CTNNA2: variants seen among roughly 807,000 people sequenced by gnomAD.
CTNNA2 encodes catenin alpha-2.
In CTNNA2, 42 loss-of-function variants were observed where a neutral mutation model predicts 101.0. The ratio of observed to expected loss-of-function variants is 0.42; its 90% CI spans 0.32 to 0.54. CTNNA2 has a LOEUF of 0.54. Among genes scored for constraint, CTNNA2 ranks in the 20% least tolerant of loss-of-function variants. CTNNA2 has a pLI of 0.14. For missense variants in CTNNA2, 871 were observed against 1,223.1 expected, an observed-to-expected ratio of 0.71 and a Z score of 4.29; for synonymous variants, 450 against 456.4, an observed-to-expected ratio of 0.99 and a Z score of 0.18.
intron 1 of CTNNA2, among the ~76,000 whole-genome samples, chr2:79,596,249 T>G (rs1677180827): frequency 6.6e-6 from 1 of 152,044 alleles, no homozygotes; most frequent in African/African-American, 2.4e-5. Context: ...AATGTTTGAA[T>G]GAAATTTGAA....
At chr2:79,484,717 C>T (rs566274176) in intron 4 of CTNNA2, among the ~76,000 whole-genome samples, 1 of 152,274 alleles carries the variant, frequency 6.6e-6, no homozygotes, top group South Asian at 2.1e-4. Flanking sequence ...GTAGGCTCTC[C>T]TAAGCATAGT....
intron 7 of CTNNA2, among the ~76,000 whole-genome samples, chr2:80,036,722 G>A (rs1474389802): frequency 2.0e-5 from 3 of 152,242 alleles, no homozygotes; most frequent in Non-Finnish European, 2.9e-5. Context: ...ATCCTGGTGG[G>A]TGGGGAAGCC....
chr2:79,365,539 T>C (rs1469311697), intron 3 of CTNNA2, among the ~76,000 whole-genome samples: 1 of 148,448 alleles, frequency 6.7e-6, no homozygotes, highest in East Asian at 2.0e-4. Flanking sequence ...GGCAGGAGGA[T>C]GGCCCAAGCC....
intron 2 of CTNNA2, among the ~76,000 whole-genome samples, chr2:79,296,189 T>A (rs974129911): frequency 6.6e-6 from 1 of 152,090 alleles, no homozygotes; most frequent in African/African-American, 2.4e-5. Context: ...ATACAAACAT[T>A]ACAATGTTAA....
At chr2:80,376,191 A>ACTG (rs1282127855) in intron 7 of CTNNA2, among the ~76,000 whole-genome samples, 2 of 151,974 alleles carry the variant, frequency 1.3e-5, no homozygotes, top group African/African-American at 4.8e-5. Context: ...CTAATTCCTA[A>ACTG]ATCCTAAATT....
At chr2:80,561,523 G>A (rs956659862) in intron 12 of CTNNA2, among the ~76,000 whole-genome samples, 3 of 152,102 alleles carry the variant, frequency 2.0e-5, no homozygotes, top group African/African-American at 7.2e-5. Flanking sequence ...TTCCATTCCC[G>A]CTCTTGGAGC....
chr2:80,308,046 G>C (rs892201941), intron 7 of CTNNA2, among the ~76,000 whole-genome samples: 3 of 152,184 alleles, frequency 2.0e-5, no homozygotes, highest in African/African-American at 7.2e-5. Context: ...GGAGGGAAGA[G>C]TCGATTAATT....
At chr2:80,169,212 T>C (rs1406175232) in intron 7 of CTNNA2, among the ~76,000 whole-genome samples, 1 of 152,206 alleles carries the variant, frequency 6.6e-6, no homozygotes, top group Non-Finnish European at 1.5e-5. Context: ...AATGCTGTTA[T>C]TTGTAGGGAA....
At chr2:79,242,894 G>T (rs1312203713) in intron 2 of CTNNA2, among the ~76,000 whole-genome samples, 1 of 151,324 alleles carries the variant, frequency 6.6e-6, no homozygotes, top group Admixed American at 6.6e-5. Flanking sequence ...GTTGAGGGGG[G>T]AGTATGAGGC....
intron 2 of CTNNA2, among the ~76,000 whole-genome samples, chr2:79,741,752 C>G (rs1189047350): frequency 6.6e-6 from 1 of 151,994 alleles, no homozygotes; most frequent in Non-Finnish European, 1.5e-5. Flanking sequence ...TCTTTCAATT[C>G]TTTTTTATTT....
intron 9 of CTNNA2, among the ~76,000 whole-genome samples, chr2:80,497,514 T>C (rs1303834000): frequency 6.6e-6 from 1 of 152,198 alleles, no homozygotes; most frequent in East Asian, 1.9e-4. Flanking sequence ...TTGCAGAAGA[T>C]GAGTAGTCTT....
At chr2:79,800,841 C>A (rs1676098184) in intron 3 of CTNNA2, among the ~76,000 whole-genome samples, 1 of 152,088 alleles carries the variant, frequency 6.6e-6, no homozygotes, top group South Asian at 2.1e-4. Context: ...TGTTTTGTTG[C>A]AATGTGATGT....
chr2:79,204,962 A>C (rs79709585), intron 2 of CTNNA2, among the ~76,000 whole-genome samples: 1 of 152,236 alleles, frequency 6.6e-6, no homozygotes, highest in African/African-American at 2.4e-5. Context: ...CCAACACATC[A>C]ATTTTGGAGT....
chr2:80,365,572 A>G (rs1197152878), intron 7 of CTNNA2, among the ~76,000 whole-genome samples: 7 of 53,718 alleles, frequency 1.3e-4, no homozygotes, highest in South Asian at 5.8e-4. Flanking sequence ...TGTTTTTTGG[A>G]AAAAAAAAAA....
chr2:79,237,000 A>C (rs994970667), intron 2 of CTNNA2, among the ~76,000 whole-genome samples: 1 of 152,176 alleles, frequency 6.6e-6, no homozygotes, highest in Admixed American at 6.5e-5. Context: ...ATGACTGAAA[A>C]ATTGTCTTAA....
At chr2:79,409,230 T>G (rs908795128) in intron 4 of CTNNA2, among the ~76,000 whole-genome samples, 1 of 152,182 alleles carries the variant, frequency 6.6e-6, no homozygotes, top group African/African-American at 2.4e-5. Flanking sequence ...TTGCGAAAAT[T>G]TTCTCCCATT....
intron 7 of CTNNA2, among the ~76,000 whole-genome samples, chr2:80,386,954 C>A (rs1364576762): frequency 6.6e-6 from 1 of 152,120 alleles, no homozygotes; most frequent in African/African-American, 2.4e-5. Context: ...ATTCCCAGGG[C>A]TTCCATGAGA....
intron 3 of CTNNA2, among the ~76,000 whole-genome samples, chr2:79,756,432 A>G (rs920124210): frequency 6.6e-6 from 1 of 152,214 alleles, no homozygotes; most frequent in Non-Finnish European, 1.5e-5. Context: ...GAAAACATAC[A>G]TTATCTGCTA....
At chr2:79,295,384 A>T (rs1675954231) in intron 2 of CTNNA2, among the ~76,000 whole-genome samples, 2 of 152,174 alleles carry the variant, frequency 1.3e-5, no homozygotes, top group South Asian at 2.1e-4. Flanking sequence ...TTCAAATTAA[A>T]TGCAAGCTCT....
Sources: allele counts gnomAD v4.1 joint callset (sites outside exome capture counted in the v4.1 genomes callset), GRCh38; gene constraint gnomAD v4.1.1; transcripts MANE v1.5; gene names NCBI Gene and HGNC (gene_info 2026-07-23, HGNC 2026-07-21).